The following CFDP1 variants were observed in gnomAD, a reference collection of about 807,000 sequenced individuals.
CFDP1 encodes the protein chromatin remodeling protein CFDP1.
In CFDP1, 31 loss-of-function variants were observed where a neutral mutation model predicts 40.1. That is an observed-to-expected ratio of 0.77 (90% CI 0.58 to 1.04). The LOEUF (loss-of-function observed/expected upper bound fraction) is 1.04, where lower values mean the gene tolerates loss of function less well. Among genes scored for constraint, CFDP1 ranks in the 50% least tolerant of loss-of-function variants. The pLI is 0.00. For missense variants in CFDP1, 423 were observed against 343.4 expected, an observed-to-expected ratio of 1.23 and a Z score of -1.83; for synonymous variants, 167 against 120.0, an observed-to-expected ratio of 1.39 and a Z score of -2.56.
intron 5 of CFDP1, among the ~76,000 whole-genome samples, chr16:75,373,685 G>A (rs981109898): frequency 4.6e-5 from 7 of 152,056 alleles, no homozygotes; most frequent in African/African-American, 1.7e-4. Flanking sequence ...TATGAACGGG[G>A]TCTCCCTATG....
intron 4 of CFDP1, among the ~76,000 whole-genome samples, chr16:75,397,423 T>G (rs1958573301): frequency 6.6e-6 from 1 of 151,792 alleles, no homozygotes; most frequent in Non-Finnish European, 1.5e-5. Flanking sequence ...GCTGAATCAC[T>G]TGAACCTGGG....
chr16:75,297,698 C>T (rs1246209395), intron 6 of CFDP1, among the ~76,000 whole-genome samples: 2 of 152,204 alleles, frequency 1.3e-5, no homozygotes, highest in African/African-American at 4.8e-5. Context: ...ATTTAAGAGG[C>T]TCTTCACTTT....
At chr16:75,340,616 G>A (rs760101609) in intron 5 of CFDP1, among the ~76,000 whole-genome samples, 1 of 152,316 alleles carries the variant, frequency 6.6e-6, no homozygotes, top group African/African-American at 2.4e-5. Context: ...TCTGCAATAA[G>A]AGGAACTATT....
chr16:75,336,156 A>T (rs1044937139), intron 5 of CFDP1, among the ~76,000 whole-genome samples: 3 of 152,184 alleles, frequency 2.0e-5, no homozygotes, highest in Non-Finnish European at 4.4e-5. Context: ...TATTAAGCAA[A>T]CACTGAGCAC....
intron 5 of CFDP1, among the ~76,000 whole-genome samples, chr16:75,306,877 TCA>T (rs59846343): frequency 0.018 from 2,466 of 135,014 alleles, 30 homozygotes; most frequent in African/African-American, 0.045. Context: ...GTGCGCGTGA[TCA>T]CACACACACA....
At chr16:75,410,312 C>G (rs576396247) in intron 4 of CFDP1, among the ~76,000 whole-genome samples, 1 of 152,112 alleles carries the variant, frequency 6.6e-6, no homozygotes, top group South Asian at 2.1e-4. Context: ...AATCACAAAT[C>G]TGCTATTTTC....
At chr16:75,321,191 C>T (rs754248881) in intron 5 of CFDP1, among the ~76,000 whole-genome samples, 14 of 152,112 alleles carry the variant, frequency 9.2e-5, no homozygotes, top group Non-Finnish European at 1.8e-4. Flanking sequence ...TCCTGAACTC[C>T]TGGGCTCAAG....
chr16:75,420,936 T>C (rs931300875), intron 1 of CFDP1, among the ~76,000 whole-genome samples: 2 of 152,216 alleles, frequency 1.3e-5, no homozygotes, highest in African/African-American at 4.8e-5. Context: ...TTTGCCTGTT[T>C]TCATCATAAA....
chr16:75,322,518 T>G (rs1361928426), intron 5 of CFDP1, among the ~76,000 whole-genome samples: 1 of 152,184 alleles, frequency 6.6e-6, no homozygotes, highest in Admixed American at 6.5e-5. Flanking sequence ...GTATAGCATG[T>G]TACTGTACTA....
chr16:75,328,651 GATAA>G (rs1448221182), intron 5 of CFDP1, among the ~76,000 whole-genome samples: 2 of 141,618 alleles, frequency 1.4e-5, no homozygotes, highest in East Asian at 2.1e-4. Flanking sequence ...AATAAATACT[GATAA>G]ATAAAGAAAT....
intron 5 of CFDP1, among the ~76,000 whole-genome samples, chr16:75,364,071 C>A (rs1163817938): frequency 6.6e-6 from 1 of 151,712 alleles, no homozygotes; most frequent in Non-Finnish European, 1.5e-5. Flanking sequence ...GAGATGTGTC[C>A]TCTGAGGTAC....
chr16:75,332,659 A>C (rs1269975479), intron 5 of CFDP1, among the ~76,000 whole-genome samples: 2 of 151,474 alleles, frequency 1.3e-5, no homozygotes, highest in Non-Finnish European at 2.9e-5. Flanking sequence ...AGAGCAAGAA[A>C]ACCCTGTCTT....
Position 75,322,115 on chromosome 16 carries a change from C to T in CFDP1, c.651-16933G>A, listed in dbSNP as rs147760261. ...CTGGGGTTACAGGCGTGAGCCACCG[C>T]GCCCAGCCTATTAAACTTTCCTAAT... is the stretch of plus-strand genomic sequence containing the variant. On this transcript the variant is annotated intron_variant, in intron 5 of 6. Transcript: ENST00000283882. Among the ~76,000 whole-genome samples, 988 of 152,326 alleles carry T rather than the reference C, an allele frequency of 6.5e-3. 8 individuals carry two copies. Among genetic ancestry groups the T allele is most frequent in the Middle Eastern group, 0.017 (5 of 292 alleles).
intron 1 of CFDP1, 91 bp downstream of exon 1, chr16:75,433,198 C>A: frequency 7.7e-7 from 1 of 1,296,328 alleles, no homozygotes. Flanking sequence ...ACCACCTGGG[C>A]CACAGGGCAG....
intron 5 of CFDP1, among the ~76,000 whole-genome samples, chr16:75,355,096 T>TTTAAA (rs1567655123): frequency 2.0e-5 from 3 of 152,246 alleles, no homozygotes; most frequent in Non-Finnish European, 4.4e-5. Context: ...GTACAGATCT[T>TTTAAA]CATTTTAAAA....
chr16:75,433,369 G>T lies in CFDP1; in HGVS notation c.-17C>A, dbSNP rs1180678660. 8 of 1,581,334 alleles carry T rather than the reference G, an allele frequency of 5.1e-6. No individual in the cohort carries two copies. The highest frequency in any genetic ancestry group is 6.0e-6 in the Non-Finnish European group (7 of 1,163,608). On this transcript the variant is annotated 5_prime_UTR_variant, in exon 1 of 7. Transcript: ENST00000283882. ...TTCCTCCATGTTGCTGCCGCTCGAC[G>T]CTGGTCAAACTCACAAGACCGCAGC...
intron 4 of CFDP1, among the ~76,000 whole-genome samples, chr16:75,410,078 A>C (rs1167907274): frequency 6.7e-6 from 1 of 150,260 alleles, no homozygotes; most frequent in African/African-American, 2.4e-5. Flanking sequence ...AAAAAAAAAA[A>C]AAAAAAAACC....
chr16:75,412,085 G>A (rs747210398), intron 3 of CFDP1, 133 bp from the exon 4 acceptor site: 50 of 905,976 alleles, frequency 5.5e-5, no homozygotes, highest in Non-Finnish European at 6.8e-5. Flanking sequence ...ACACAATCTT[G>A]GCTCACTGCA....
At chr16:75,394,494 C>T (rs932373947) in intron 5 of CFDP1, among the ~76,000 whole-genome samples, 8 of 152,032 alleles carry the variant, frequency 5.3e-5, no homozygotes, top group Non-Finnish European at 1.0e-4. Context: ...AGTGAGTGTT[C>T]ATCGCAAATC....
Sources: allele counts gnomAD v4.1 joint callset (sites outside exome capture counted in the v4.1 genomes callset), GRCh38; gene constraint gnomAD v4.1.1; transcripts MANE v1.5; gene names NCBI Gene and HGNC (gene_info 2026-07-23, HGNC 2026-07-21).